RASIP1: variants seen among roughly 807,000 people sequenced by gnomAD.
The protein encoded by RASIP1 is ras-interacting protein 1.
In RASIP1, 20 loss-of-function variants were observed where a neutral mutation model predicts 85.3. That is an observed-to-expected ratio of 0.23 (90% CI 0.17 to 0.34). The LOEUF is 0.34. RASIP1 is among the 10% of genes least tolerant of loss of function. The pLI, the probability that RASIP1 is intolerant of heterozygous loss-of-function variation, is 1.00. For missense variants in RASIP1, 1,170 were observed against 1,390.9 expected (o/e 0.84, Z 2.53); for synonymous variants, 617 against 647.1 (o/e 0.95, Z 0.71).
At chr19:48,735,104 C>A in intron 4 of RASIP1, 92 bp downstream of exon 4, 1 of 1,229,500 alleles carries the variant, frequency 8.1e-7, no homozygotes, top group South Asian at 1.5e-5. Flanking sequence ...GGCTAGCGCG[C>A]CCCGGGCCTT....
intron 4 of RASIP1, among the ~76,000 whole-genome samples, chr19:48,734,879 TGC>T (rs1417591194): frequency 6.6e-6 from 1 of 152,186 alleles, no homozygotes; most frequent in Non-Finnish European, 1.5e-5. Context: ...CCTCCCAAAG[TGC>T]TGGGATTATG....
chr19:48,726,674 G>A, intron 8 of RASIP1, 111 bp downstream of exon 8: 1 of 843,216 alleles, frequency 1.2e-6, no homozygotes. Flanking sequence ...TGACATCAGA[G>A]CCACACAGTG....
rs2033307883 is a variant in RASIP1, at chr19:48,724,531, G to A, written c.2372-22C>T. On this transcript the variant is annotated intron_variant, in intron 9 of 11. Transcript: ENST00000222145. This position sits in a 1 kb window ranked among gnomAD's most constrained non-coding sequence, Gnocchi z 4.6. ...TGACCTGTGGGTGTTAAAGGTATGA[G>A]AGGCAGTTGGTTGGCTGGACTCTGT... The A allele has an allele frequency of 6.2e-7, 1 of 1,607,390 alleles. No homozygotes were observed. The highest frequency in any genetic ancestry group is 8.5e-7 in the Non-Finnish European group (1 of 1,174,980).
intron 4 of RASIP1, among the ~76,000 whole-genome samples, chr19:48,733,998 T>A (rs918719630): frequency 1.3e-5 from 2 of 151,646 alleles, no homozygotes; most frequent in African/African-American, 4.8e-5. Context: ...AAATTTTTCA[T>A]TAAAAAATTT....
intron 4 of RASIP1, among the ~76,000 whole-genome samples, chr19:48,730,914 G>A (rs1001512508): frequency 1.6e-4 from 25 of 152,170 alleles, no homozygotes; most frequent in African/African-American, 6.0e-4. Context: ...CTACTTGGGA[G>A]GCTGAGGCAC....
intron 4 of RASIP1, among the ~76,000 whole-genome samples, chr19:48,730,733 A>G (rs1388599019): frequency 1.3e-5 from 2 of 152,098 alleles, no homozygotes; most frequent in African/African-American, 4.8e-5. Flanking sequence ...ACTTTTAAAG[A>G]GATTCCCTTG....
intron 4 of RASIP1, among the ~76,000 whole-genome samples, chr19:48,730,322 C>T (rs916765921): frequency 3.9e-5 from 6 of 152,034 alleles, no homozygotes; most frequent in African/African-American, 9.7e-5. Context: ...CGCACCATCA[C>T]GCCCAGCTAA....
rs1480447206 is a variant in RASIP1 at position 48,720,777 on chromosome 19, G to A, written c.*21C>T. ...AAGCCCGTGACATTTCAAGGTTCGCGCGCTCGTTTGGTATTGGTTCTCAAG... is the reference window on the plus strand; with the variant it reads ...AAGCCCGTGACATTTCAAGGTTCGCACGCTCGTTTGGTATTGGTTCTCAAG... On this transcript the variant is annotated 3_prime_UTR_variant, in exon 12 of 12. Transcript: ENST00000222145. 3 of 1,611,828 alleles carry A rather than the reference G, an allele frequency of 1.9e-6. No homozygotes were observed. Among genetic ancestry groups the A allele is most frequent in the Admixed American group, 1.7e-5 (1 of 59,990 alleles).
At chr19:48,727,534 C>T (rs2033363172) in intron 5 of RASIP1, 104 bp from the exon 6 acceptor site, 1 of 1,260,924 alleles carries the variant, frequency 7.9e-7, no homozygotes, top group Non-Finnish European at 1.1e-6. Context: ...AGAGACTGGT[C>T]CTACTTTTCT....
rs142588540 is a variant in RASIP1 at position 48,720,907 on chromosome 19, T to C, written c.2783A>G (p.Asp928Gly). The C allele has an allele frequency of 3.5e-5, 57 of 1,613,696 alleles. No homozygotes were observed. In the Admixed American group the frequency reaches 7.8e-4, roughly 22 times the overall value. Residue 928 changes from aspartate to glycine, a missense_variant, in exon 12 of 12, where the codon GAT becomes GGT. Around this residue, in one of 4 missense-constraint regions of RASIP1, gnomAD observed 144 missense variants for 125.5 expected, o/e 1.15. Coordinates refer to ENST00000222145, the MANE Select transcript of RASIP1 (RefSeq NM_017805.3). The stretch of plus-strand genomic sequence containing the variant: ...CCTACGGAGTTCACGGTGCAAGGCA[T>C]CGTCCGTCACTGGACCAGTGAGGCG... ...RLRLTGPVTDDALHRELRRLR... is the reference protein window; with the variant it reads ...RLRLTGPVTDGALHRELRRLR...
intron 4 of RASIP1, among the ~76,000 whole-genome samples, chr19:48,734,457 G>T (rs1411998859): frequency 6.7e-6 from 1 of 150,296 alleles, no homozygotes; most frequent in Non-Finnish European, 1.5e-5. Context: ...GGGACCACAG[G>T]TGCACACCAC....
chr19:48,729,412 G>T lies in RASIP1; in HGVS notation c.1358C>A (p.Ser453Tyr), dbSNP rs1225589135. 1 of 1,557,448 alleles carries T rather than the reference G, an allele frequency of 6.4e-7. No individual in the cohort carries two copies. Among genetic ancestry groups the T allele is most frequent in the Non-Finnish European group, 8.7e-7 (1 of 1,151,076 alleles). The change falls in exon 5 of 12, where the codon TCC becomes TAC. Residue 453 changes from serine to tyrosine, a missense_variant. By Grantham distance (144) the Ser-to-Tyr change is moderately radical. This residue lies in a region of RASIP1 where 301 missense variants were observed against 294.8 expected (regional missense o/e 1.02). Coordinates refer to ENST00000222145, the MANE Select transcript of RASIP1 (RefSeq NM_017805.3). Reference protein sequence around the residue: ...GPEHPAMVRPSRGAPVTHNGC... With the variant: ...GPEHPAMVRPYRGAPVTHNGC... The stretch of plus-strand genomic sequence containing the variant: ...GTTGTGCGTGACTGGGGCGCCCCGG[G>T]ACGGGCGCACCATGGCCGGGTGCTC...
At position 48,729,522 on chromosome 19, in the gene RASIP1, G is replaced by A; in HGVS notation, c.1248C>T (p.Arg416=). Residue 416 remains arginine (R), a synonymous_variant, in exon 5 of 12, where the codon CGC becomes CGT. Transcript: ENST00000222145. The part of the protein sequence containing the change: ...VFGRGGNSSG[R]GGSPAPYVDT... ...CCACATAGGGAGCCGGGGACCCCCC[G>A]CGGCCAGACGAGTTCCCACCTCGCC... The A allele has an allele frequency of 6.3e-7, 1 of 1,599,292 alleles. No homozygotes were observed. Among genetic ancestry groups the A allele is most frequent in the Non-Finnish European group, 8.5e-7 (1 of 1,173,538 alleles).
chr19:48,738,858 C>T lies in RASIP1; in HGVS notation c.823+102G>A, dbSNP rs2033617328. ...CAGTCCCCTCCCGCGGGCCCCGCCC[C>T]CAGCCAGCCCGCGAGTCCCACAAGC... On this transcript the variant is annotated intron_variant, in intron 3 of 11. Transcript: ENST00000222145. The surrounding 1 kb of genome is among the most constrained non-coding windows in gnomAD (Gnocchi z 4.0). 8 of 1,055,652 alleles carry T rather than the reference C, an allele frequency of 7.6e-6. No individual in the cohort carries two copies. The South Asian group carries it at 3.8e-4, about 50-fold the overall frequency. 65.4% of individuals were successfully genotyped at this position (1,055,652 alleles called of 1,614,324 possible).
chr19:48,731,155 TC>T (rs1012540776), intron 4 of RASIP1, among the ~76,000 whole-genome samples: 31 of 152,268 alleles, frequency 2.0e-4, no homozygotes, highest in African/African-American at 7.2e-4. Flanking sequence ...ATGCCTATAA[TC>T]CCAGCTACTC....
chr19:48,728,954 T>C lies in RASIP1; in HGVS notation c.1816A>G (p.Ile606Val). 2 of 1,455,606 alleles carry C rather than the reference T, an allele frequency of 1.4e-6. No individual in the cohort carries two copies. Among genetic ancestry groups the C allele is most frequent in the Non-Finnish European group, 1.8e-6 (2 of 1,113,784 alleles). The allele number at this position is 1,455,606 out of a possible 1,614,324, so 90.2% of individuals were successfully genotyped here. A position where few individuals can be genotyped will look rare whatever the true frequency, so the allele number is the denominator to read the frequency against. The change falls in exon 5 of 12, where the codon ATC (isoleucine) becomes GTC (valine). Residue 606 changes from isoleucine (I) to valine (V), a missense_variant. Coordinates refer to ENST00000222145, the MANE Select transcript of RASIP1 (RefSeq NM_017805.3). ...PRLLGRLARL[I>V]KEAVWEKIKE... ...GCGCTCACCCAGACGGCCTCCTTGA[T>C]GAGCCGGGCCAGGCGGCCCAGCAGT...
chr19:48,735,648 GA>G, intron 3 of RASIP1, 97 bp from the exon 4 acceptor site: 4 of 1,208,402 alleles, frequency 3.3e-6, no homozygotes, highest in Non-Finnish European at 4.5e-6. Flanking sequence ...GCAGAGAGGT[GA>G]GGCTGCTTCC....
rs1031128178 is a variant in RASIP1 at position 48,720,975 on chromosome 19, G to A, written c.2715C>T (p.Ser905=). The change falls in exon 12 of 12, where the codon TCC becomes TCT. Residue 905 remains serine, a synonymous_variant. Transcript: ENST00000222145. ...GGGGGAGGATGAGGGGCGGGTGCGA[G>A]GAGAAGCTTTCGAAGATGTCCCCTG... ...VDTGDIFESF[S]SHPPLILPLG... 1.9e-6 allele frequency: 3 copies of A among 1,607,662 alleles called. No homozygotes were observed. The highest frequency in any genetic ancestry group is 2.7e-5 in the African/African-American group (2 of 74,984).
chr19:48,722,117 T>A, intron 10 of RASIP1, 116 bp from the exon 11 acceptor site: 1 of 1,051,234 alleles, frequency 9.5e-7, no homozygotes, highest in Non-Finnish European at 1.3e-6. Flanking sequence ...ATCTCTGCAG[T>A]GTCTTCTGGG....
Sources: allele counts gnomAD v4.1 joint callset (sites outside exome capture counted in the v4.1 genomes callset), GRCh38; gene constraint gnomAD v4.1.1; regional missense constraint gnomAD v4.1.1; non-coding constraint Gnocchi (gnomAD v3.1); transcripts MANE v1.5; gene names NCBI Gene and HGNC (gene_info 2026-07-23, HGNC 2026-07-21).